Variants in JAZF1 observed in about 807,000 individuals in gnomAD.
The protein encoded by JAZF1 is JAZF zinc finger 1.
JAZF1 carries 8 observed loss-of-function variants against 26.4 expected under a neutral mutation model. That is an observed-to-expected ratio of 0.30 (90% CI 0.18 to 0.55). The LOEUF is 0.55. Ranked by LOEUF, JAZF1 falls within the 20% of genes least tolerant of loss-of-function variation. JAZF1 has a pLI of 0.94. For synonymous variants in JAZF1, 126 were observed against 122.3 expected, an observed-to-expected ratio of 1.03 and a Z score of -0.20; for missense variants, 199 against 322.0, an observed-to-expected ratio of 0.62 and a Z score of 2.92.
chr7:28,055,526 G>A (rs1429519621), intron 1 of JAZF1, among the ~76,000 whole-genome samples: 1 of 152,080 alleles, frequency 6.6e-6, no homozygotes. Context: ...TTAAACATAT[G>A]TATGTATACC....
At chr7:27,928,211 C>T (rs1784629661) in intron 2 of JAZF1, among the ~76,000 whole-genome samples, 1 of 152,098 alleles carries the variant, frequency 6.6e-6, no homozygotes, top group Non-Finnish European at 1.5e-5. Flanking sequence ...TAGTCTTTGG[C>T]CAGCATTTTC....
At chr7:27,903,126 C>A (rs1429323626) in intron 2 of JAZF1, among the ~76,000 whole-genome samples, 1 of 151,690 alleles carries the variant, frequency 6.6e-6, no homozygotes, top group Non-Finnish European at 1.5e-5. Flanking sequence ...CTTTGGGGCA[C>A]GGAATATTAG....
intron 1 of JAZF1, among the ~76,000 whole-genome samples, chr7:28,048,703 T>C (rs1193862212): frequency 2.6e-5 from 4 of 152,174 alleles, no homozygotes; most frequent in Non-Finnish European, 4.4e-5. Context: ...ACCTTGTAAA[T>C]GAATGTTCAT....
chr7:27,862,362 C>T (rs182721450), intron 3 of JAZF1, among the ~76,000 whole-genome samples: 90 of 152,150 alleles, frequency 5.9e-4, no homozygotes, highest in African/African-American at 2.0e-3. Flanking sequence ...CTCCCGCCTC[C>T]CCCGCCCCAG....
At chr7:27,887,626 G>A (rs1037178863) in intron 3 of JAZF1, among the ~76,000 whole-genome samples, 9 of 152,222 alleles carry the variant, frequency 5.9e-5, no homozygotes, top group Non-Finnish European at 1.3e-4. Flanking sequence ...ATGTTTGCCA[G>A]GCTGGTCTCG....
chr7:28,018,557 A>G (rs1293187150), intron 1 of JAZF1, among the ~76,000 whole-genome samples: 1 of 152,156 alleles, frequency 6.6e-6, no homozygotes, highest in Non-Finnish European at 1.5e-5. Flanking sequence ...TCACTCTCCA[A>G]AGTGTTGCAG....
intron 1 of JAZF1, among the ~76,000 whole-genome samples, chr7:28,065,763 T>C (rs1783870983): frequency 6.6e-6 from 1 of 152,178 alleles, no homozygotes; most frequent in African/African-American, 2.4e-5. Context: ...ATGAGTCCTA[T>C]ATTTGTCCTT....
chr7:27,983,539 C>T (rs1267656498), intron 2 of JAZF1, among the ~76,000 whole-genome samples: 3 of 152,130 alleles, frequency 2.0e-5, no homozygotes, highest in Non-Finnish European at 4.4e-5. Flanking sequence ...GGATATTATC[C>T]AGGAGAACTT....
At chr7:28,087,647 C>T (rs904411880) in intron 1 of JAZF1, among the ~76,000 whole-genome samples, 1 of 152,138 alleles carries the variant, frequency 6.6e-6, no homozygotes, top group African/African-American at 2.4e-5. Flanking sequence ...TCATCTCTTG[C>T]TTCTAAGCAA....
chr7:27,848,723 A>C (rs879177054), intron 3 of JAZF1, among the ~76,000 whole-genome samples: 1 of 152,194 alleles, frequency 6.6e-6, no homozygotes, highest in Admixed American at 6.5e-5. Flanking sequence ...GAATGTGTAC[A>C]TGTCATGGCA....
chr7:27,955,673 T>A (rs1785076937), intron 2 of JAZF1, among the ~76,000 whole-genome samples: 1 of 152,234 alleles, frequency 6.6e-6, no homozygotes, highest in Non-Finnish European at 1.5e-5. Context: ...AATTTGACTA[T>A]ATTTTATTTT....
intron 1 of JAZF1, among the ~76,000 whole-genome samples, chr7:28,043,707 TAGTAGCC>T: frequency 6.6e-6 from 1 of 152,006 alleles, no homozygotes; most frequent in Middle Eastern, 3.4e-3. Flanking sequence ...GCATTATCCA[TAGTAGCC>T]AGAATGGAAA....
chr7:28,054,337 C>A (rs1783663471), intron 1 of JAZF1, among the ~76,000 whole-genome samples: 1 of 152,170 alleles, frequency 6.6e-6, no homozygotes, highest in South Asian at 2.1e-4. Flanking sequence ...TAACCAATCC[C>A]AGTTGTCCTT....
chr7:27,963,047 C>T (rs1180983205), intron 2 of JAZF1, among the ~76,000 whole-genome samples: 2 of 152,134 alleles, frequency 1.3e-5, no homozygotes, highest in Non-Finnish European at 2.9e-5. Context: ...GGCAAACCTT[C>T]ATTATTAGGG....
intron 1 of JAZF1, among the ~76,000 whole-genome samples, chr7:28,019,120 G>A (rs1680552523): frequency 6.6e-6 from 1 of 152,148 alleles, no homozygotes; most frequent in African/African-American, 2.4e-5. Flanking sequence ...TCTTCACACT[G>A]ACACAGTACT....
In JAZF1 at chr7:27,830,816, T is replaced by C. The variant is rs1264658232; in HGVS notation, c.*1984A>G. On this transcript the variant is annotated 3_prime_UTR_variant, in exon 5 of 5. Coordinates refer to ENST00000283928, the MANE Select transcript of JAZF1 (RefSeq NM_175061.4). ...ATAACAAAATATTCCCATCCTTACC[T>C]GTTTAGTAATACTGTCACAATGAAT... is the stretch of plus-strand genomic sequence containing the variant. 4.9e-6 allele frequency: 1 copy of C among 206,120 alleles called. No homozygotes were observed. The highest frequency in any genetic ancestry group is 9.9e-6 in the Non-Finnish European group (1 of 100,602). 12.8% of individuals were successfully genotyped at this position (206,120 alleles called of 1,614,324 possible).
At chr7:28,108,906 A>T (rs948801319) in intron 1 of JAZF1, among the ~76,000 whole-genome samples, 1 of 152,270 alleles carries the variant, frequency 6.6e-6, no homozygotes, top group South Asian at 2.1e-4. Context: ...AATAACATGA[A>T]TGAACCTTGA....
At chr7:28,065,689 A>G (rs1253864998) in intron 1 of JAZF1, among the ~76,000 whole-genome samples, 1 of 152,194 alleles carries the variant, frequency 6.6e-6, no homozygotes, top group Non-Finnish European at 1.5e-5. Flanking sequence ...ATAGCTAAAG[A>G]AAAAGAAAAT....
chr7:28,051,131 CAAA>C (rs775277755), intron 1 of JAZF1, among the ~76,000 whole-genome samples: 11 of 96,554 alleles, frequency 1.1e-4, no homozygotes, highest in South Asian at 3.2e-4. Context: ...GACTCCATCT[CAAA>C]AAAAAAAAAA....
Sources: gnomAD v4.1 joint callset for allele counts (sites outside exome capture counted in the v4.1 genomes callset) on GRCh38, gnomAD v4.1.1 for gene constraint, MANE v1.5 for transcripts, NCBI Gene and HGNC (gene_info 2026-07-23, HGNC 2026-07-21) for gene names.